IQCM: variants seen among roughly 807,000 people sequenced by gnomAD.
IQCM encodes the protein IQ domain-containing protein M.
In IQCM, 45 loss-of-function variants were observed where a neutral mutation model predicts 57.6. That is an observed-to-expected ratio of 0.78 (90% CI 0.62 to 1.00). IQCM has a LOEUF of 1.00. Among genes scored for constraint, IQCM ranks in the 50% least tolerant of loss-of-function variants. The pLI is 0.00. For synonymous variants in IQCM, 148 were observed against 158.9 expected, an observed-to-expected ratio of 0.93 and a Z score of 0.51; for missense variants, 468 against 511.6, an observed-to-expected ratio of 0.91 and a Z score of 0.82.
intron 2 of IQCM, among the ~76,000 whole-genome samples, chr4:149,775,040 CA>C (rs35383107): frequency 0.21 from 18,059 of 87,026 alleles, 1,274 homozygotes; most frequent in East Asian, 0.47. Context: ...TTCTTTTTGC[CA>C]AAAAAAAAAA....
At chr4:149,477,292 C>A (rs1480423079) in intron 12 of IQCM, among the ~76,000 whole-genome samples, 2 of 151,984 alleles carry the variant, frequency 1.3e-5, no homozygotes, top group Non-Finnish European at 2.9e-5. Context: ...TCAGCTAAAC[C>A]CAAATGAGGA....
intron 8 of IQCM, among the ~76,000 whole-genome samples, chr4:149,593,406 G>C (rs1044401646): frequency 1.3e-5 from 2 of 151,968 alleles, no homozygotes; most frequent in Non-Finnish European, 2.9e-5. Context: ...CTGCAAACAG[G>C]GACAATTTGC....
At chr4:149,711,960 G>A (rs568393404) in intron 5 of IQCM, among the ~76,000 whole-genome samples, 29 of 152,200 alleles carry the variant, frequency 1.9e-4, no homozygotes, top group African/African-American at 6.3e-4. Context: ...CTGGGCTTCT[G>A]GAATAGTTTA....
intron 12 of IQCM, among the ~76,000 whole-genome samples, chr4:149,453,041 A>T (rs1411742025): frequency 6.6e-6 from 1 of 151,550 alleles, no homozygotes; most frequent in Non-Finnish European, 1.5e-5. Flanking sequence ...AAATGAGTAA[A>T]AAAAAAAAAT....
At chr4:149,676,254 A>C (rs1179114798) in intron 7 of IQCM, among the ~76,000 whole-genome samples, 1 of 152,076 alleles carries the variant, frequency 6.6e-6, no homozygotes, top group Non-Finnish European at 1.5e-5. Context: ...TTGTATTTAC[A>C]CAAGACCATA....
intron 2 of IQCM, chr4:149,790,204 A>G (rs1772463285): frequency 5.6e-6 from 2 of 360,164 alleles, no homozygotes; most frequent in Admixed American, 8.3e-5. Context: ...AAGAATATTG[A>G]ACACAAAACT....
At chr4:149,657,948 G>T (rs182205879) in intron 7 of IQCM, among the ~76,000 whole-genome samples, 2 of 151,986 alleles carry the variant, frequency 1.3e-5, no homozygotes, top group African/African-American at 4.8e-5. Context: ...TCTGTAGGTT[G>T]TCTCTTTATG....
chr4:149,554,347 T>C (rs4835588), intron 10 of IQCM, among the ~76,000 whole-genome samples: 23,922 of 148,406 alleles, frequency 0.16, 2,229 homozygotes, highest in South Asian at 0.34. Flanking sequence ...GTTTTCATCC[T>C]TTTTTTTTTT....
chr4:149,660,367 C>A (rs1005943310), intron 7 of IQCM, among the ~76,000 whole-genome samples: 6 of 152,136 alleles, frequency 3.9e-5, no homozygotes, highest in African/African-American at 1.4e-4. Context: ...AATAGGAACA[C>A]TTTTACACTG....
intron 12 of IQCM, among the ~76,000 whole-genome samples, chr4:149,483,152 C>A (rs1741097970): frequency 6.6e-6 from 1 of 151,662 alleles, no homozygotes; most frequent in South Asian, 2.1e-4. Context: ...TATTTATTTG[C>A]ATCTTCTCTC....
In IQCM at chr4:149,746,487, A is replaced by T. The variant is rs73857743; in HGVS notation, c.-48-3748T>A. On this transcript the variant is annotated intron_variant, in intron 2 of 13. Coordinates refer to ENST00000636793, the MANE Select transcript of IQCM (RefSeq NM_001363507.2). The stretch of plus-strand genomic sequence containing the variant: ...ATTCATTCTCCACACAGCAGGAGTG[A>T]TCTTAATTGTGTATCAGATCATATT... 9.0e-3 allele frequency among the ~76,000 whole-genome samples: 1,366 copies of T among 152,270 alleles called. 10 individuals carry two copies. The highest frequency in any genetic ancestry group is 0.03 in the African/African-American group (1,265 of 41,552).
At position 149,715,230 on chromosome 4, in the gene IQCM, C is replaced by T. The variant is rs1219519849; in HGVS notation, c.385+18014G>A. On this transcript the variant is annotated intron_variant, in intron 5 of 13. Transcript: ENST00000636793. ...CAGCTCACATTACTGGCCCAGATCC[C>T]ATGCCTGCCAAGGGTGAGCCAGGCA... is the stretch of plus-strand genomic sequence containing the variant. 1.5e-4 allele frequency among the ~76,000 whole-genome samples: 23 copies of T among 152,154 alleles called. 1 individual carries two copies. Among genetic ancestry groups the T allele is most frequent in the Admixed American group, 1.5e-3 (23 of 15,278 alleles).
At chr4:149,399,230 T>C (rs1315702921) in intron 13 of IQCM, among the ~76,000 whole-genome samples, 3 of 152,044 alleles carry the variant, frequency 2.0e-5, no homozygotes, top group Admixed American at 6.6e-5. Flanking sequence ...TCAAACATCA[T>C]CCTCTTAGTG....
intron 7 of IQCM, among the ~76,000 whole-genome samples, chr4:149,680,532 C>T (rs1226822965): frequency 1.3e-5 from 2 of 151,200 alleles, no homozygotes; most frequent in African/African-American, 2.4e-5. Flanking sequence ...AAGTATACTT[C>T]AATTGGGTGG....
chr4:149,613,374 A>C (rs973699032), intron 8 of IQCM, among the ~76,000 whole-genome samples: 1 of 152,134 alleles, frequency 6.6e-6, no homozygotes, highest in African/African-American at 2.4e-5. Context: ...GAATTTTAAA[A>C]AGATGTTGAA....
At chr4:149,440,006 G>T (rs1735764048) in intron 12 of IQCM, among the ~76,000 whole-genome samples, 1 of 150,912 alleles carries the variant, frequency 6.6e-6, no homozygotes, top group Non-Finnish European at 1.5e-5. Context: ...GCCCAGCCTG[G>T]AGTGCAGTAG....
chr4:149,691,758 G>T (rs992034955), intron 5 of IQCM: 1 of 152,078 alleles, frequency 6.6e-6, no homozygotes, highest in African/African-American at 2.4e-5. Flanking sequence ...ACTTGGAATT[G>T]AATACATGAG....
chr4:149,431,330 A>AG (rs1734839742), intron 13 of IQCM, among the ~76,000 whole-genome samples: 1 of 152,024 alleles, frequency 6.6e-6, no homozygotes, highest in Non-Finnish European at 1.5e-5. Context: ...CTGACACTTG[A>AG]TATGGCCAGT....
intron 9 of IQCM, among the ~76,000 whole-genome samples, chr4:149,578,476 GA>G (rs1751867592): frequency 6.6e-6 from 1 of 151,680 alleles, no homozygotes; most frequent in Admixed American, 6.6e-5. Context: ...TTTTATCTAT[GA>G]AAAAGGGAAC....
Sources: allele counts gnomAD v4.1 joint callset (sites outside exome capture counted in the v4.1 genomes callset), GRCh38; gene constraint gnomAD v4.1.1; transcripts MANE v1.5; gene names NCBI Gene and HGNC (gene_info 2026-07-23, HGNC 2026-07-21).